SRGAP2: variants seen among roughly 807,000 people sequenced by gnomAD.
The protein encoded by SRGAP2 is SLIT-ROBO Rho GTPase-activating protein 2.
SRGAP2 carries 15 observed loss-of-function variants against 57.2 expected under a neutral mutation model. That is an observed-to-expected ratio of 0.26 (90% CI 0.18 to 0.40). SRGAP2 has a LOEUF of 0.40. Ranked by LOEUF, SRGAP2 falls within the 10% of genes least tolerant of loss-of-function variation. The pLI, the probability that SRGAP2 is intolerant of heterozygous loss-of-function variation, is 1.00. For missense variants in SRGAP2, 520 were observed against 669.6 expected, an observed-to-expected ratio of 0.78 and a Z score of 2.47; for synonymous variants, 249 against 248.0, an observed-to-expected ratio of 1.00 and a Z score of -0.04.
chr1:206,210,809 G>A (rs1162894944), intron 2 of SRGAP2, among the ~76,000 whole-genome samples: 3 of 149,154 alleles, frequency 2.0e-5, no homozygotes, highest in Non-Finnish European at 3.0e-5. Flanking sequence ...AAAAGCTGCA[G>A]TAAAACATTT....
chr1:206,220,266 G>GA (rs1182146477), intron 2 of SRGAP2, among the ~76,000 whole-genome samples: 14 of 151,232 alleles, frequency 9.3e-5, no homozygotes, highest in Admixed American at 2.6e-4. Flanking sequence ...GGCCTGTGGA[G>GA]ATTGAAGATA....
intron 4 of SRGAP2, among the ~76,000 whole-genome samples, chr1:206,360,594 T>C (rs1676834090): frequency 6.6e-6 from 1 of 152,210 alleles, no homozygotes; most frequent in Admixed American, 6.5e-5. Context: ...GGTCAAATTC[T>C]GGGATATATT....
intron 5 of SRGAP2, among the ~76,000 whole-genome samples, chr1:206,389,877 A>G (rs1301603743): frequency 6.6e-6 from 1 of 151,082 alleles, no homozygotes; most frequent in East Asian, 1.9e-4. Context: ...AGATAGAAGT[A>G]TGTATATGTA....
intron 19 of SRGAP2, 36 bp from the exon 20 acceptor site, chr1:206,453,164 A>G (rs529148762): frequency 4.9e-5 from 23 of 467,938 alleles, no homozygotes; most frequent in South Asian, 4.6e-4. Context: ...TGCAGGTCCC[A>G]AGAACATGTG....
chr1:206,239,647 G>A (rs1553308707), intron 2 of SRGAP2, among the ~76,000 whole-genome samples: 2 of 142,982 alleles, frequency 1.4e-5, no homozygotes, highest in East Asian at 2.3e-4. Context: ...TAGTAGAGAT[G>A]GAGTTTCACC....
chr1:206,427,636 CAG>C (rs1491201757), intron 13 of SRGAP2, among the ~76,000 whole-genome samples: 2 of 152,158 alleles, frequency 1.3e-5, no homozygotes, highest in Non-Finnish European at 2.9e-5. Context: ...AATTCAGAGC[CAG>C]GGGGGGGATC....
chr1:206,234,282 GA>G (rs1275616134), intron 2 of SRGAP2, among the ~76,000 whole-genome samples: 91 of 150,180 alleles, frequency 6.1e-4, no homozygotes, highest in Admixed American at 3.3e-4. Context: ...GCTGAAGGGG[GA>G]AAAAATCACC....
intron 12 of SRGAP2, among the ~76,000 whole-genome samples, chr1:206,419,625 G>A (rs1443421545): frequency 6.6e-6 from 1 of 152,156 alleles, no homozygotes; most frequent in African/African-American, 2.4e-5. Flanking sequence ...AAGCAGAACT[G>A]AGTAAAAGGG....
intron 13 of SRGAP2, among the ~76,000 whole-genome samples, chr1:206,425,811 A>G (rs537919844): frequency 1.3e-5 from 2 of 149,612 alleles, no homozygotes; most frequent in African/African-American, 4.9e-5. Flanking sequence ...CTGGGATTAC[A>G]GGCGTGAGCC....
chr1:206,445,292 C>A (rs184665150), intron 17 of SRGAP2, among the ~76,000 whole-genome samples: 1 of 152,106 alleles, frequency 6.6e-6, no homozygotes, highest in Admixed American at 6.5e-5. Flanking sequence ...GGTCCTTGGC[C>A]AAGGTTGGAG....
chr1:206,241,983 AG>A lies in SRGAP2; in HGVS notation c.67+35947del, dbSNP rs1414955327. Among the ~76,000 whole-genome samples, 4 of 131,416 alleles carry A rather than the reference AG, an allele frequency of 3.0e-5. No individual in the cohort carries two copies. In the East Asian group the frequency reaches 9.0e-4, roughly 29 times the overall value. The allele number at this position is 131,416 out of a possible 152,430, so 86.2% of individuals were successfully genotyped here. A position where few individuals can be genotyped will look rare whatever the true frequency, so the allele number is the denominator to read the frequency against. ...TCTCCTTCAACTCTGACCACCTGGA[AG>A]TCAGCCTAATCTCTGCCCTCGTGTT... On this transcript the variant is annotated intron_variant, in intron 2 of 22. Transcript: ENST00000573034.
At chr1:206,356,667 A>G (rs1324797091) in intron 4 of SRGAP2, among the ~76,000 whole-genome samples, 1 of 151,440 alleles carries the variant, frequency 6.6e-6, no homozygotes, top group East Asian at 1.9e-4. Flanking sequence ...TATCTTTGTC[A>G]AGACTTTTCC....
chr1:206,449,833 C>T (rs1205531656), intron 18 of SRGAP2, among the ~76,000 whole-genome samples: 12 of 152,212 alleles, frequency 7.9e-5, no homozygotes, highest in African/African-American at 2.9e-4. Context: ...AACACCCACT[C>T]TGTGCCAAAC....
intron 20 of SRGAP2, chr1:206,453,995 G>A (rs1663589212): frequency 3.1e-6 from 2 of 639,896 alleles, no homozygotes. Flanking sequence ...ATAGGCTGTT[G>A]GTTGATTCTC....
At chr1:206,319,315 G>C (rs1483789010) in intron 3 of SRGAP2, among the ~76,000 whole-genome samples, 1 of 150,452 alleles carries the variant, frequency 6.6e-6, no homozygotes, top group African/African-American at 2.5e-5. Context: ...GGAGGCTGAG[G>C]CAGGAGAATG....
At chr1:206,318,560 A>C (rs1553326632) in intron 3 of SRGAP2, among the ~76,000 whole-genome samples, 1 of 152,268 alleles carries the variant, frequency 6.6e-6, no homozygotes, top group Admixed American at 6.5e-5. Flanking sequence ...GCTGTAAATA[A>C]ATACCTGAGG....
chr1:206,415,252 A>G (rs1445353570), intron 10 of SRGAP2, among the ~76,000 whole-genome samples: 2 of 152,190 alleles, frequency 1.3e-5, no homozygotes, highest in Non-Finnish European at 2.9e-5. Flanking sequence ...AGCAGGTGGG[A>G]TCACATTTCC....
chr1:206,384,519 T>C lies in SRGAP2; in HGVS notation c.486+443T>C, dbSNP rs1656007522. On this transcript the variant is annotated intron_variant, in intron 5 of 22. Transcript: ENST00000573034. ...TGTATGGCTTTGAGACTAGAACAAA[T>C]GCTCTAGAGGGCAGCACAGAGTCCT... 6.6e-5 allele frequency among the ~76,000 whole-genome samples: 10 copies of C among 152,222 alleles called. No homozygotes were observed. The South Asian group carries it at 2.1e-3, about 32-fold the overall frequency.
Position 206,439,997 on chromosome 1 carries a change from G to A in SRGAP2, c.1790G>A (p.Arg597Lys), listed in dbSNP as rs1662130769. The change falls in exon 17 of 23, where the codon AGA (arginine) becomes AAA (lysine). Residue 597 changes from arginine (R) to lysine (K), a missense_variant. Arg to Lys is a conservative substitution (Grantham distance 26). Around this residue, in one of 5 missense-constraint regions of SRGAP2, gnomAD observed 478 missense variants for 373.6 expected, o/e 1.28. Transcript: ENST00000573034. ...ACVTMDNLQE[R>K]ALHIRKVLLV... ...TCAGCAATGGACAACCTGCAGGAGA[G>A]AGCTCTGCACATCCGGAAAGTCCTC... The A allele has an allele frequency of 1.3e-6, 1 of 780,866 alleles. No homozygotes were observed. The highest frequency in any genetic ancestry group is 2.4e-6 in the Non-Finnish European group (1 of 417,948). The allele number at this position is 780,866 out of a possible 1,614,324, so 48.4% of individuals were successfully genotyped here. A position where few individuals can be genotyped will look rare whatever the true frequency, so the allele number is the denominator to read the frequency against.
Sources: allele counts gnomAD v4.1 joint callset (sites outside exome capture counted in the v4.1 genomes callset), GRCh38; gene constraint gnomAD v4.1.1; regional missense constraint gnomAD v4.1.1; transcripts MANE v1.5; gene names NCBI Gene and HGNC (gene_info 2026-07-23, HGNC 2026-07-21).